The following CCDC77 variants were observed in gnomAD, a reference collection of about 807,000 sequenced individuals.
CCDC77 encodes the protein coiled-coil domain containing 77.
CCDC77 carries 56 observed loss-of-function variants against 66.8 expected under a neutral mutation model. The ratio of observed to expected loss-of-function variants is 0.84; its 90% confidence interval spans 0.68 to 1.05. The LOEUF (loss-of-function observed/expected upper bound fraction) is 1.05. CCDC77 is among the 50% of genes least tolerant of loss of function. CCDC77 has a pLI of 0.00. For synonymous variants in CCDC77, 196 were observed against 195.2 expected (o/e 1.00, Z -0.03); for missense variants, 570 against 576.8 (o/e 0.99, Z 0.12).
chr12:432,636 T>C (rs1054842826), intron 8 of CCDC77, among the ~76,000 whole-genome samples: 10 of 152,202 alleles, frequency 6.6e-5, no homozygotes, highest in Non-Finnish European at 1.5e-4. Flanking sequence ...AAGGCAAAAA[T>C]CACAGGGTGA....
chr12:441,589 T>G (rs989435610), intron 12 of CCDC77, among the ~76,000 whole-genome samples, 185 bp from the exon 13 acceptor site: 3 of 152,312 alleles, frequency 2.0e-5, no homozygotes, highest in African/African-American at 7.2e-5. Flanking sequence ...AGGATTTTCA[T>G]GAGATTTCTG....
chr12:389,573 ACGAGGCGGGG>A (rs1555141792), intron 1 of CCDC77: 2 of 42,370 alleles, frequency 4.7e-5, no homozygotes, highest in Non-Finnish European at 1.0e-4. Context: ...GCGAGGCGCA[ACGAGGCGGGG>A]CGAGGCGCGA....
rs1945116767 is a variant in CCDC77, at chr12:411,801, G to A, written c.93G>A (p.Arg31=). ...CCGTCAGTGGTCCCACCAAGAGGAG[G>A]GGAATGGCAGATTCACTGGAGTCAA... ...GVAVSGPTKR[R]GMADSLESTP... The change falls in exon 4 of 13, where the codon AGG becomes AGA. Residue 31 remains arginine (R), a synonymous_variant. Coordinates refer to ENST00000239830, the MANE Select transcript of CCDC77 (RefSeq NM_032358.4). 1 of 1,614,102 alleles carries A rather than the reference G, an allele frequency of 6.2e-7. No individual in the cohort carries two copies.
At chr12:403,655 G>A (rs1370718624) in intron 1 of CCDC77, among the ~76,000 whole-genome samples, 1 of 152,162 alleles carries the variant, frequency 6.6e-6, no homozygotes, top group Non-Finnish European at 1.5e-5. Context: ...ACCACTCCCA[G>A]CTAATTCTGT....
intron 1 of CCDC77, among the ~76,000 whole-genome samples, chr12:392,942 C>T (rs931912183): frequency 6.6e-6 from 1 of 151,174 alleles, no homozygotes. Flanking sequence ...AGAAGAGTGG[C>T]ATTGGTTTAC....
chr12:410,320 T>C (rs1048921421), intron 3 of CCDC77, among the ~76,000 whole-genome samples: 1 of 151,754 alleles, frequency 6.6e-6, no homozygotes, highest in African/African-American at 2.4e-5. Flanking sequence ...CAGGCTGGAG[T>C]GCAATGGCAT....
At chr12:435,384 A>T (rs1303476934) in intron 9 of CCDC77, among the ~76,000 whole-genome samples, 1 of 152,054 alleles carries the variant, frequency 6.6e-6, no homozygotes, top group South Asian at 2.1e-4. Context: ...GTTTCATGGT[A>T]TCACATGTAT....
At chr12:427,461 T>G (rs1161057378) in intron 5 of CCDC77, among the ~76,000 whole-genome samples, 2 of 149,268 alleles carry the variant, frequency 1.3e-5, no homozygotes. Context: ...TATGTTGTTT[T>G]TTTTAATTAA....
chr12:438,720 G>T, intron 10 of CCDC77, 166 bp downstream of exon 10: 1 of 566,018 alleles, frequency 1.8e-6, no homozygotes. Flanking sequence ...GTAGTATTTG[G>T]GGATTCAAAA....
intron 5 of CCDC77, among the ~76,000 whole-genome samples, chr12:424,119 T>C (rs555049450): frequency 6.6e-6 from 1 of 151,958 alleles, no homozygotes; most frequent in African/African-American, 2.4e-5. Context: ...TACAGGCATG[T>C]GCCACTACAC....
chr12:398,777 T>G, upstream of CCDC77, among the ~76,000 whole-genome samples: 1 of 151,712 alleles, frequency 6.6e-6, no homozygotes, highest in South Asian at 2.1e-4. Context: ...TTTTTTTTTT[T>G]GAGACACAGT....
chr12:414,794 T>C (rs542504860), intron 4 of CCDC77, among the ~76,000 whole-genome samples: 1 of 152,094 alleles, frequency 6.6e-6, no homozygotes, highest in Admixed American at 6.6e-5. Context: ...TATTACTTAA[T>C]CCATTCCCAC....
At chr12:404,268 A>G (rs191949393) in intron 1 of CCDC77, among the ~76,000 whole-genome samples, 1 of 152,322 alleles carries the variant, frequency 6.6e-6, no homozygotes, top group Admixed American at 6.5e-5. Context: ...GTGAGCCAAG[A>G]TCGTGCCACT....
chr12:389,550 G>A, intron 1 of CCDC77: 1 of 273,664 alleles, frequency 3.7e-6, no homozygotes, highest in South Asian at 4.7e-5. Flanking sequence ...GGAAGCCGAC[G>A]GGGCGAGGCG....
chr12:397,158 G>C (rs999960651), upstream of CCDC77, among the ~76,000 whole-genome samples: 3 of 152,148 alleles, frequency 2.0e-5, no homozygotes, highest in Non-Finnish European at 4.4e-5. Context: ...TGGATCACGA[G>C]GTCAGGAGTT....
rs564099939 is a variant in CCDC77, at chr12:403,254, C to T, written c.-71+1570C>T. On this transcript the variant is annotated intron_variant, in intron 1 of 12. Coordinates refer to ENST00000239830, the MANE Select transcript of CCDC77 (RefSeq NM_032358.4). ...TGATAAAGAAACTTGAAGACAGAACCTCTGAGCCAAGGGAGTAAAATTGTC... is the reference window on the plus strand; with the variant it reads ...TGATAAAGAAACTTGAAGACAGAACTTCTGAGCCAAGGGAGTAAAATTGTC... Among the ~76,000 whole-genome samples, 11 of 152,274 alleles carry T rather than the reference C, an allele frequency of 7.2e-5. No homozygotes were observed. The South Asian group carries it at 1.5e-3, about 20-fold the overall frequency.
At chr12:416,359 G>GTATATATATA (rs1945268062) in intron 4 of CCDC77, among the ~76,000 whole-genome samples, 11 of 43,508 alleles carry the variant, frequency 2.5e-4, no homozygotes, top group Non-Finnish European at 3.9e-4. Flanking sequence ...GTGTGTGTGT[G>GTATATATATA]TGTGTGTGTG....
chr12:431,552 A>G (rs1945652707), intron 7 of CCDC77, among the ~76,000 whole-genome samples: 2 of 152,190 alleles, frequency 1.3e-5, no homozygotes, highest in African/African-American at 4.8e-5. Flanking sequence ...AATAGGATTT[A>G]CTAAGAAAAT....
At chr12:417,812 G>T (rs1335661488) in intron 4 of CCDC77, among the ~76,000 whole-genome samples, 2 of 152,004 alleles carry the variant, frequency 1.3e-5, no homozygotes, top group African/African-American at 2.4e-5. Flanking sequence ...TGAGACAGAA[G>T]AATCACTTGA....
Sources: allele counts gnomAD v4.1 joint callset (sites outside exome capture counted in the v4.1 genomes callset), GRCh38; gene constraint gnomAD v4.1.1; transcripts MANE v1.5; gene names NCBI Gene and HGNC (gene_info 2026-07-23, HGNC 2026-07-21).